Variants in DNAH14 observed in about 807,000 individuals in gnomAD.
DNAH14 encodes the protein dynein axonemal heavy chain 14.
Under a neutral mutation model 520.9 loss-of-function variants are expected in DNAH14, and 478 were observed. The observed-to-expected ratio is 0.92, with a 90% CI of 0.85 to 0.99. The LOEUF is 0.99. DNAH14 is among the 50% of genes least tolerant of loss of function. The probability of loss-of-function intolerance (pLI) is 0.00; values close to 1 mark genes in which losing one functional copy is unlikely to be tolerated. For missense variants in DNAH14, 4,831 were observed against 5,234.5 expected (o/e 0.92, Z 2.38); for synonymous variants, 1,581 against 1,757.2 (o/e 0.90, Z 2.51).
intron 43 of DNAH14, among the ~76,000 whole-genome samples, chr1:225,244,809 T>C (rs556713882): frequency 6.6e-6 from 1 of 152,306 alleles, no homozygotes; most frequent in South Asian, 2.1e-4. Flanking sequence ...AGCTCTTGGA[T>C]GGTTGATCTT....
At chr1:225,008,877 T>C (rs1251250040) in intron 10 of DNAH14, among the ~76,000 whole-genome samples, 3 of 152,222 alleles carry the variant, frequency 2.0e-5, no homozygotes, top group Non-Finnish European at 4.4e-5. Context: ...GAAAAGTGTC[T>C]GTTCATATCC....
At chr1:225,384,463 A>G (rs1325423859) in intron 81 of DNAH14, among the ~76,000 whole-genome samples, 1 of 152,222 alleles carries the variant, frequency 6.6e-6, no homozygotes, top group Admixed American at 6.5e-5. Context: ...AAGATCAACA[A>G]AATTGATAGA....
At chr1:225,344,847 T>C (rs1347756000) in intron 69 of DNAH14, among the ~76,000 whole-genome samples, 1 of 152,090 alleles carries the variant, frequency 6.6e-6, no homozygotes, top group Non-Finnish European at 1.5e-5. Context: ...CCCAAGTAGC[T>C]GGGACTACAG....
intron 17 of DNAH14, among the ~76,000 whole-genome samples, chr1:225,055,426 A>G (rs1363307865): frequency 3.3e-5 from 5 of 152,174 alleles, no homozygotes; most frequent in South Asian, 2.1e-4. Context: ...AGTGGCAATC[A>G]TAGTTTACTG....
In DNAH14 at chr1:225,290,641, G is replaced by GTA. The variant is rs777422222; in HGVS notation, c.8469+560_8469+561insAT. Among the ~76,000 whole-genome samples the GTA allele has an allele frequency of 7.4e-3, 668 of 90,752 alleles. 6 individuals carry two copies. Among genetic ancestry groups the GTA allele is most frequent in the East Asian group, 0.01 (25 of 2,434 alleles). The allele number at this position is 90,752 out of a possible 152,430, so 59.5% of individuals were successfully genotyped here. A position where few individuals can be genotyped will look rare whatever the true frequency, so the allele number is the denominator to read the frequency against. The stretch of plus-strand genomic sequence containing the variant: ...TGTGTGTATAGATATATGTGTGTGT[G>GTA]TGTGTGTATATATATATATATATAT... On this transcript the variant is annotated intron_variant, in intron 55 of 85. Transcript: ENST00000682510.
At chr1:225,374,261 TATATA>T (rs755493848) in intron 77 of DNAH14, among the ~76,000 whole-genome samples, 9,514 of 109,326 alleles carry the variant, frequency 0.087, 848 homozygotes, top group East Asian at 0.41. Flanking sequence ...TATATATATA[TATATA>T]TATATTTTTT....
intron 49 of DNAH14, among the ~76,000 whole-genome samples, chr1:225,267,292 CTT>C (rs776025994): frequency 1.3e-4 from 17 of 131,344 alleles, no homozygotes; most frequent in African/African-American, 3.1e-4. Context: ...GAATGGCTTC[CTT>C]TTTTTTTTTT....
chr1:225,166,198 C>G (rs2082029930), intron 35 of DNAH14, among the ~76,000 whole-genome samples: 1 of 152,128 alleles, frequency 6.6e-6, no homozygotes, highest in Non-Finnish European at 1.5e-5. Flanking sequence ...TCAAGTATTT[C>G]CACATGCCCA....
chr1:225,215,275 T>A (rs1006115553), intron 41 of DNAH14, among the ~76,000 whole-genome samples: 3 of 152,174 alleles, frequency 2.0e-5, no homozygotes, highest in Non-Finnish European at 4.4e-5. Flanking sequence ...TGAGAGGTAG[T>A]TCGTTATAAT....
intron 33 of DNAH14, among the ~76,000 whole-genome samples, chr1:225,153,475 A>T (rs1573541177): frequency 6.6e-6 from 1 of 152,180 alleles, no homozygotes; most frequent in East Asian, 1.9e-4. Context: ...ATTTTCTTTC[A>T]ATTTATCTCA....
In DNAH14 at chr1:225,324,357, T is replaced by C; in HGVS notation, c.9627+4T>C. The C allele has an allele frequency of 6.4e-7, 1 of 1,550,830 alleles. No homozygotes were observed. Among genetic ancestry groups the C allele is most frequent in the Non-Finnish European group, 8.7e-7 (1 of 1,146,684 alleles). Reference sequence around the variant, plus strand: ...TAACTACCATGAAGTACAGAAGGTATGCTTTTCCTCCTAAACATCTGTCAT... The same window carrying C: ...TAACTACCATGAAGTACAGAAGGTACGCTTTTCCTCCTAAACATCTGTCAT... On this transcript the variant is annotated splice_donor_region_variant and intron_variant, in intron 63 of 85. Transcript: ENST00000682510.
chr1:225,364,606 T>TA (rs397750888), intron 75 of DNAH14, among the ~76,000 whole-genome samples, 186 bp from the exon 76 acceptor site: 2 of 151,890 alleles, frequency 1.3e-5, no homozygotes, highest in African/African-American at 2.4e-5. Context: ...AAGCTACTCT[T>TA]AAAATGTAAC....
chr1:225,150,377 A>G (rs1418488470), intron 31 of DNAH14, among the ~76,000 whole-genome samples: 2 of 152,110 alleles, frequency 1.3e-5, no homozygotes, highest in Non-Finnish European at 1.5e-5. Flanking sequence ...TGTCTTTGCC[A>G]GGTTTTAGTG....
chr1:225,109,547 G>A (rs939514899), intron 23 of DNAH14, among the ~76,000 whole-genome samples: 1 of 151,732 alleles, frequency 6.6e-6, no homozygotes, highest in African/African-American at 2.4e-5. Flanking sequence ...ACTGATTTTT[G>A]TATGTTGATT....
chr1:225,172,435 G>T (rs940694758), intron 36 of DNAH14, among the ~76,000 whole-genome samples: 2 of 152,176 alleles, frequency 1.3e-5, no homozygotes, highest in African/African-American at 4.8e-5. Context: ...CAAAATCAAT[G>T]TGCAGAAATC....
At chr1:225,229,566 C>T (rs779028891) in intron 41 of DNAH14, among the ~76,000 whole-genome samples, 17 of 152,296 alleles carry the variant, frequency 1.1e-4, no homozygotes, top group Non-Finnish European at 2.1e-4. Flanking sequence ...GGCACATATA[C>T]ACCATGGAAT....
At chr1:225,172,231 C>A (rs2149235671) in intron 36 of DNAH14, among the ~76,000 whole-genome samples, 1 of 152,270 alleles carries the variant, frequency 6.6e-6, no homozygotes, top group South Asian at 2.1e-4. Flanking sequence ...CTCACCACTC[C>A]TATTCAACAT....
intron 55 of DNAH14, among the ~76,000 whole-genome samples, chr1:225,291,378 C>T (rs1011306059): frequency 2.0e-4 from 30 of 151,938 alleles, no homozygotes; most frequent in African/African-American, 7.3e-4. Flanking sequence ...GATAAATGCC[C>T]AGAAGTGGGA....
chr1:225,127,582 T>A (rs2077881225), intron 27 of DNAH14, among the ~76,000 whole-genome samples: 1 of 152,168 alleles, frequency 6.6e-6, no homozygotes, highest in African/African-American at 2.4e-5. Flanking sequence ...TCCATCCTTT[T>A]ATTTTGAGCC....
Sources: gnomAD v4.1 joint callset for allele counts (sites outside exome capture counted in the v4.1 genomes callset) on GRCh38, gnomAD v4.1.1 for gene constraint, MANE v1.5 for transcripts, NCBI Gene and HGNC (gene_info 2026-07-23, HGNC 2026-07-21) for gene names.